GTF2H5: variants seen among roughly 807,000 people sequenced by gnomAD.
The protein encoded by GTF2H5 is TFB5 ortholog.
GTF2H5 carries 5 observed loss-of-function variants against 7.1 expected under a neutral mutation model. The observed-to-expected ratio is 0.71, with a 90% CI of 0.37 to 1.49. GTF2H5 has a LOEUF of 1.49. Ranked by LOEUF, GTF2H5 falls within the 40% of genes most tolerant of loss-of-function variation. GTF2H5 has a pLI of 0.03. For missense variants in GTF2H5, 80 were observed against 83.0 expected (o/e 0.96, Z 0.14); for synonymous variants, 30 against 31.7 (o/e 0.95, Z 0.18).
At position 158,197,692 on chromosome 6, in the gene GTF2H5, A is replaced by G. The variant is rs1005792055; in HGVS notation, c.*5535A>G. 2.6e-5 allele frequency: 4 copies of G among 152,200 alleles called. No individual in the cohort carries two copies. The highest frequency in any genetic ancestry group is 7.2e-5 in the African/African-American group (3 of 41,446). The allele number at this position is 152,200 out of a possible 1,614,324, so 9.4% of individuals were successfully genotyped here. On this transcript the variant is annotated 3_prime_UTR_variant, in exon 3 of 3. Transcript: ENST00000607778. ...GAAACGCCTGGGAAAGCTTCACCAG[A>G]GGGTCTTCCACCGTGACAGTTCCCC...
rs1362947824 is a variant in GTF2H5 at position 158,193,674 on chromosome 6, A to G, written c.*1517A>G. The stretch of plus-strand genomic sequence containing the variant: ...AAAATTTTGATGAGTTACTACTACT[A>G]AAACTAGTTAAGTAAAAGATGATTC... On this transcript the variant is annotated 3_prime_UTR_variant, in exon 3 of 3. Coordinates refer to ENST00000607778, the MANE Select transcript of GTF2H5 (RefSeq NM_207118.3). 2.6e-5 allele frequency: 4 copies of G among 152,168 alleles called. No individual in the cohort carries two copies. Among genetic ancestry groups the G allele is most frequent in the African/African-American group, 7.2e-5 (3 of 41,440 alleles). The allele number at this position is 152,168 out of a possible 1,614,324, so 9.4% of individuals were successfully genotyped here. A position where few individuals can be genotyped will look rare whatever the true frequency, so the allele number is the denominator to read the frequency against.
rs184702903 is a variant in GTF2H5 at position 158,174,274 on chromosome 6, A to G, written c.35+3736A>G. On this transcript the variant is annotated intron_variant, in intron 2 of 2. Transcript: ENST00000607778. The stretch of plus-strand genomic sequence containing the variant: ...ATGTGTAATAGCTTATATAGTGCTG[A>G]TCCACATATATCTTAGATTGGCTTC... 2.0e-5 allele frequency among the ~76,000 whole-genome samples: 3 copies of G among 152,250 alleles called. No individual in the cohort carries two copies. In the East Asian group the frequency reaches 5.8e-4, roughly 29 times the overall value.
chr6:158,169,260 T>A (rs1785702427), intron 1 of GTF2H5, among the ~76,000 whole-genome samples: 1 of 132,346 alleles, frequency 7.6e-6, no homozygotes, highest in African/African-American at 2.8e-5. Flanking sequence ...TATATATATA[T>A]TATATATGTA....
intron 2 of GTF2H5, among the ~76,000 whole-genome samples, chr6:158,184,809 G>A (rs563883584): frequency 6.6e-6 from 1 of 152,276 alleles, no homozygotes; most frequent in African/African-American, 2.4e-5. Flanking sequence ...TGACAGCTTT[G>A]ACCAGACTAT....
intron 2 of GTF2H5, among the ~76,000 whole-genome samples, chr6:158,181,701 CT>C (rs200161141): frequency 6.3e-4 from 92 of 145,048 alleles, no homozygotes; most frequent in African/African-American, 7.5e-4. Flanking sequence ...GCAACCTCTG[CT>C]TTTTTTTTTT....
At chr6:158,184,731 C>T (rs776899264) in intron 2 of GTF2H5, among the ~76,000 whole-genome samples, 4 of 152,064 alleles carry the variant, frequency 2.6e-5, no homozygotes, top group Non-Finnish European at 5.9e-5. Context: ...TATCTGTTGG[C>T]CAGTTATTAT....
rs1777093866 is a variant in GTF2H5 at position 158,195,458 on chromosome 6, C to T, written c.*3301C>T. 1 of 152,138 alleles carries T rather than the reference C, an allele frequency of 6.6e-6. No individual in the cohort carries two copies. The highest frequency in any genetic ancestry group is 1.5e-5 in the Non-Finnish European group (1 of 68,012). The allele number at this position is 152,138 out of a possible 1,614,324, so 9.4% of individuals were successfully genotyped here. A position where few individuals can be genotyped will look rare whatever the true frequency, so the allele number is the denominator to read the frequency against. On this transcript the variant is annotated 3_prime_UTR_variant, in exon 3 of 3. Coordinates refer to ENST00000607778, the MANE Select transcript of GTF2H5 (RefSeq NM_207118.3). ...TAATTTAAAATTCCAGGGATCCTATCTAACATCACAGTTGATGGATATAAC... is the reference window on the plus strand; with the variant it reads ...TAATTTAAAATTCCAGGGATCCTATTTAACATCACAGTTGATGGATATAAC...
rs1777144489 is a variant in GTF2H5 at position 158,198,393 on chromosome 6, C to A, written c.*6236C>A. 6.6e-6 allele frequency: 1 copy of A among 152,178 alleles called. No homozygotes were observed. Among genetic ancestry groups the A allele is most frequent in the African/African-American group, 2.4e-5 (1 of 41,428 alleles). 9.4% of individuals were successfully genotyped at this position (152,178 alleles called of 1,614,324 possible). The stretch of plus-strand genomic sequence containing the variant: ...CCATTGAAAGACTAGGCTATTTTTT[C>A]ACTGTCCTCAGACATTTACTGAGTC... On this transcript the variant is annotated 3_prime_UTR_variant, in exon 3 of 3. Coordinates refer to ENST00000607778, the MANE Select transcript of GTF2H5 (RefSeq NM_207118.3).
At chr6:158,177,125 G>C (rs1785944597) in intron 2 of GTF2H5, among the ~76,000 whole-genome samples, 1 of 152,184 alleles carries the variant, frequency 6.6e-6, no homozygotes, top group Non-Finnish European at 1.5e-5. Flanking sequence ...TGGGGTGCCT[G>C]TTCCCAACAG....
At chr6:158,182,545 C>T (rs931001319) in intron 2 of GTF2H5, among the ~76,000 whole-genome samples, 9 of 152,028 alleles carry the variant, frequency 5.9e-5, no homozygotes, top group African/African-American at 1.4e-4. Flanking sequence ...TTCACATAGT[C>T]GCATATTTCT....
At chr6:158,186,590 G>A (rs1776924199) in intron 2 of GTF2H5, among the ~76,000 whole-genome samples, 1 of 152,240 alleles carries the variant, frequency 6.6e-6, no homozygotes, top group Admixed American at 6.5e-5. Flanking sequence ...AATCAATTTT[G>A]AAGTTTATTT....
At chr6:158,170,399 C>T in intron 1 of GTF2H5, 71 bp from the exon 2 acceptor site, 1 of 876,892 alleles carries the variant, frequency 1.1e-6, no homozygotes, top group Non-Finnish European at 1.9e-6. Flanking sequence ...TGCCTCGTTT[C>T]AGAGGCAGAT....
chr6:158,170,545 A>AG lies in GTF2H5; in HGVS notation c.35+8dup, dbSNP rs1371025943. 4 of 1,591,238 alleles carry AG rather than the reference A, an allele frequency of 2.5e-6. No individual in the cohort carries two copies. The highest frequency in any genetic ancestry group is 2.6e-6 in the Non-Finnish European group (3 of 1,159,160). ...AAGGAGTGCTTATAGAATGGTTAGTAGTTTTGATACTGCATGAGTTTTAAG... is the reference window on the plus strand; with the variant it reads ...AAGGAGTGCTTATAGAATGGTTAGTAGGTTTTGATACTGCATGAGTTTTAAG... On this transcript the variant is annotated splice_region_variant and intron_variant, in intron 2 of 2. Coordinates refer to ENST00000607778, the MANE Select transcript of GTF2H5 (RefSeq NM_207118.3).
intron 2 of GTF2H5, among the ~76,000 whole-genome samples, chr6:158,180,182 T>G (rs945947770): frequency 5.3e-5 from 8 of 152,194 alleles, no homozygotes; most frequent in Non-Finnish European, 1.2e-4. Flanking sequence ...ATTTATTGAT[T>G]TGCGTATGTT....
At chr6:158,189,138 C>G (rs1301532518) in intron 2 of GTF2H5, among the ~76,000 whole-genome samples, 1 of 152,078 alleles carries the variant, frequency 6.6e-6, no homozygotes, top group African/African-American at 2.4e-5. Flanking sequence ...ACCACCTTAT[C>G]AGGTGGTGCC....
intron 2 of GTF2H5, among the ~76,000 whole-genome samples, chr6:158,178,646 C>T (rs975491559): frequency 1.3e-5 from 2 of 152,028 alleles, no homozygotes; most frequent in Admixed American, 6.6e-5. Flanking sequence ...GCATAGATGT[C>T]GTCTTTTGAG....
At chr6:158,169,402 T>TTATATATTATATATTATA (rs1326034888) in intron 1 of GTF2H5, among the ~76,000 whole-genome samples, 1 of 79,866 alleles carries the variant, frequency 1.3e-5, no homozygotes, top group African/African-American at 5.0e-5. Context: ...TAATATTATA[T>TTATATATTATATATTATA]TGTATATTAT....
In GTF2H5 at chr6:158,196,843, G is replaced by A. The variant is rs1207370320; in HGVS notation, c.*4686G>A. 1.3e-5 allele frequency: 2 copies of A among 152,186 alleles called. No individual in the cohort carries two copies. 9.4% of individuals were successfully genotyped at this position (152,186 alleles called of 1,614,324 possible). A position where few individuals can be genotyped will look rare whatever the true frequency, so the allele number is the denominator to read the frequency against. Reference sequence around the variant, plus strand: ...AGCAGCAGACCATGCCACTTCGTGAGGAAAAAATTATCTCATTCATGCCCT... The same window carrying A: ...AGCAGCAGACCATGCCACTTCGTGAAGAAAAAATTATCTCATTCATGCCCT... On this transcript the variant is annotated 3_prime_UTR_variant, in exon 3 of 3. Transcript: ENST00000607778.
chr6:158,188,360 AT>A (rs1199384333), intron 2 of GTF2H5, among the ~76,000 whole-genome samples: 2 of 152,136 alleles, frequency 1.3e-5, no homozygotes, highest in Non-Finnish European at 2.9e-5. Context: ...AAACAACTAA[AT>A]TTTTAAAGAG....
Sources: allele counts gnomAD v4.1 joint callset (sites outside exome capture counted in the v4.1 genomes callset), GRCh38; gene constraint gnomAD v4.1.1; transcripts MANE v1.5; gene names NCBI Gene and HGNC (gene_info 2026-07-23, HGNC 2026-07-21).